The following MCM5 variants were observed in gnomAD, a reference collection of about 807,000 sequenced individuals.
MCM5 encodes DNA replication licensing factor MCM5.
A neutral mutation model predicts 79.9 loss-of-function variants in MCM5; 46 were observed. The ratio of observed to expected loss-of-function variants is 0.58; its 90% CI spans 0.45 to 0.74. The LOEUF (loss-of-function observed/expected upper bound fraction) is 0.74. MCM5 is among the 30% of genes least tolerant of loss of function. MCM5 has a pLI of 0.00. For synonymous variants in MCM5, 404 were observed against 390.5 expected (o/e 1.03, Z -0.41); for missense variants, 883 against 1,017.0 (o/e 0.87, Z 1.79).
chr22:35,432,341 C>T, the MCM5 span, among the ~76,000 whole-genome samples: 1 of 152,170 alleles, frequency 6.6e-6, no homozygotes, highest in South Asian at 2.1e-4. Flanking sequence ...ACCGGGGTGG[C>T]CTTGTGCTTT....
chr22:35,419,069 T>TCAG (rs554261726), intron 13 of MCM5, among the ~76,000 whole-genome samples: 132 of 152,296 alleles, frequency 8.7e-4, no homozygotes, highest in Non-Finnish European at 1.4e-3. Context: ...GGTCCCTGAT[T>TCAG]CAGCACCTCT....
At chr22:35,453,849 TAGGGAG>T in the MCM5 span, among the ~76,000 whole-genome samples, 1 of 77,780 alleles carries the variant, frequency 1.3e-5, no homozygotes, top group Non-Finnish European at 2.7e-5. Flanking sequence ...GAGAGAGAGA[TAGGGAG>T]AGGGAGAGGG....
At chr22:35,400,679 C>G (rs750696674) in intron 2 of MCM5, 74 bp downstream of exon 2, 1 of 1,461,864 alleles carries the variant, frequency 6.8e-7, no homozygotes, top group Non-Finnish European at 9.1e-7. Context: ...CTGCTAGAGT[C>G]CTGGACAGTC....
intron 5 of MCM5, 36 bp from the exon 6 acceptor site, chr22:35,408,372 G>T (rs763953957): frequency 1.3e-6 from 2 of 1,586,014 alleles, no homozygotes; most frequent in Admixed American, 3.4e-5. Flanking sequence ...GATTCTCCAG[G>T]TAGCTTTGGT....
the MCM5 span, among the ~76,000 whole-genome samples, chr22:35,430,627 C>T: frequency 5.9e-5 from 9 of 152,084 alleles, no homozygotes; most frequent in African/African-American, 1.9e-4. Flanking sequence ...CTCAGCCTCC[C>T]GAGTAGCTGG....
downstream of MCM5, among the ~76,000 whole-genome samples, chr22:35,427,441 G>C (rs890821087): frequency 1.2e-4 from 18 of 151,460 alleles, no homozygotes; most frequent in African/African-American, 3.4e-4. Flanking sequence ...TTTGGGTGTT[G>C]TAACTATTAT....
Position 35,413,910 on chromosome 22 carries a change from A to G in MCM5, c.1127A>G (p.Asn376Ser). 3.1e-6 allele frequency: 5 copies of G among 1,613,896 alleles called. No homozygotes were observed. The highest frequency in any genetic ancestry group is 4.2e-6 in the Non-Finnish European group (5 of 1,179,818). ...GGACTTACTCGCCGAGGAGACATCA[A>G]CCTGCTGATGCTAGGGGACCCTGGG... The part of the protein sequence containing the change: ...PDGLTRRGDI[N>S]LLMLGDPGTA... Residue 376 changes from asparagine (N) to serine (S), a missense_variant, in exon 9 of 17, where the codon AAC (asparagine) becomes AGC (serine). Physicochemically the swap from Asn to Ser is conservative, Grantham distance 46 (BLOSUM62 1). Around this residue, in one of 3 missense-constraint regions of MCM5, gnomAD observed 455 missense variants for 517.5 expected, o/e 0.88. Transcript: ENST00000216122.
In MCM5 at chr22:35,413,880, C is replaced by T. The variant is rs1932460242; in HGVS notation, c.1097C>T (p.Pro366Leu). The T allele has an allele frequency of 6.2e-7, 1 of 1,604,558 alleles. No individual in the cohort carries two copies. The highest frequency in any genetic ancestry group is 2.2e-5 in the East Asian group (1 of 44,840). The change falls in exon 9 of 17, where the codon CCT (proline) becomes CTT (leucine). Residue 366 changes from proline to leucine, a missense_variant. This residue lies in a region of MCM5 where 455 missense variants were observed against 517.5 expected (regional missense o/e 0.88). Transcript: ENST00000216122. The stretch of plus-strand genomic sequence containing the variant: ...ATCTACCCTTCGTCCCCCAGGCTCC[C>T]TGATGGACTTACTCGCCGAGGAGAC... ...LLFGGSRKRL[P>L]DGLTRRGDIN... is the part of the protein sequence containing the mutation.
chr22:35,408,200 T>A (rs959099799), intron 5 of MCM5, among the ~76,000 whole-genome samples: 1 of 152,206 alleles, frequency 6.6e-6, no homozygotes, highest in Admixed American at 6.5e-5. Context: ...GCAGTTCCCT[T>A]GACTCTTAAT....
the MCM5 span, among the ~76,000 whole-genome samples, chr22:35,436,655 C>G: frequency 0.64 from 97,285 of 151,994 alleles, 31,794 homozygotes; most frequent in African/African-American, 0.72. Context: ...AGCTGCTCAG[C>G]TCTCCCCAGC....
At chr22:35,434,825 A>G in the MCM5 span, among the ~76,000 whole-genome samples, 20,287 of 152,192 alleles carry the variant, frequency 0.13, 1,431 homozygotes, top group East Asian at 0.15. Context: ...TACCCCGACA[A>G]TGCTTTGGGT....
chr22:35,430,692 A>G, the MCM5 span, among the ~76,000 whole-genome samples: 5 of 151,744 alleles, frequency 3.3e-5, no homozygotes, highest in Non-Finnish European at 7.4e-5. Context: ...TTGTATTTTT[A>G]GTAGAGATGG....
intron 15 of MCM5, 145 bp from the exon 16 acceptor site, chr22:35,423,069 C>T (rs900435465): frequency 6.2e-6 from 5 of 802,562 alleles, no homozygotes; most frequent in Middle Eastern, 3.9e-4. Flanking sequence ...ATCAGGCCTG[C>T]ACCACCCTGG....
At chr22:35,438,950 TGCATCCAC>T in the MCM5 span, among the ~76,000 whole-genome samples, 1 of 150,190 alleles carries the variant, frequency 6.7e-6, no homozygotes, top group African/African-American at 2.5e-5. Flanking sequence ...CATCCATCCA[TGCATCCAC>T]CCACCCACAT....
the MCM5 span, among the ~76,000 whole-genome samples, chr22:35,443,449 A>G: frequency 2.0e-3 from 312 of 152,270 alleles, 1 homozygote; most frequent in African/African-American, 7.0e-3. Flanking sequence ...TCGGCCTCCT[A>G]AAGTGCTGGG....
chr22:35,401,167 A>G (rs1009376127), intron 2 of MCM5, among the ~76,000 whole-genome samples: 2 of 152,112 alleles, frequency 1.3e-5, no homozygotes, highest in African/African-American at 2.4e-5. Context: ...TGGGTGAGTC[A>G]CCTGTTGAGT....
intron 13 of MCM5, among the ~76,000 whole-genome samples, chr22:35,419,272 G>C (rs1183618189): frequency 6.6e-6 from 1 of 151,994 alleles, no homozygotes; most frequent in African/African-American, 2.4e-5. Context: ...TCCTTAGGAT[G>C]GTTGAGCTAA....
intron 12 of MCM5, 30 bp from the exon 13 acceptor site, chr22:35,417,714 G>A (rs1932583538): frequency 6.6e-7 from 1 of 1,515,804 alleles, no homozygotes; most frequent in Admixed American, 1.7e-5. Flanking sequence ...ACGGCCTGTG[G>A]GATGACCCAT....
chr22:35,446,975 AC>A, the MCM5 span, among the ~76,000 whole-genome samples: 2 of 152,106 alleles, frequency 1.3e-5, no homozygotes, highest in Non-Finnish European at 2.9e-5. Flanking sequence ...CATCACCTGT[AC>A]CCTAAGGCAT....
Sources: allele counts gnomAD v4.1 joint callset (sites outside exome capture counted in the v4.1 genomes callset), GRCh38; gene constraint gnomAD v4.1.1; regional missense constraint gnomAD v4.1.1; transcripts MANE v1.5; gene names NCBI Gene and HGNC (gene_info 2026-07-23, HGNC 2026-07-21).